TOPBP1: variants seen among roughly 807,000 people sequenced by gnomAD.
The protein encoded by TOPBP1 is DNA topoisomerase II binding protein 1, also known as DNA topoisomerase 2-binding protein 1.
Under a neutral mutation model 167.7 loss-of-function variants are expected in TOPBP1, and 28 were observed. The observed-to-expected ratio is 0.17, with a 90% CI of 0.12 to 0.23. TOPBP1 has a LOEUF of 0.23. Among genes scored for constraint, TOPBP1 ranks in the 10% least tolerant of loss-of-function variants. The pLI, the probability that TOPBP1 is intolerant of heterozygous loss-of-function variation, is 1.00. For missense variants in TOPBP1, 1,554 were observed against 1,809.6 expected (o/e 0.86, Z 2.56); for synonymous variants, 598 against 611.4 (o/e 0.98, Z 0.32).
intron 25 of TOPBP1, among the ~76,000 whole-genome samples, chr3:133,609,371 C>T (rs534097131): frequency 1.3e-5 from 2 of 152,138 alleles, no homozygotes; most frequent in South Asian, 2.1e-4. Flanking sequence ...TAACAACTAA[C>T]AAAAGCCAGT....
chr3:133,640,011 C>T lies in TOPBP1; in HGVS notation c.2181G>A (p.Thr727=), dbSNP rs771661225. Residue 727 remains threonine (T), a synonymous_variant, in exon 13 of 28, where the codon ACG becomes ACA. Transcript: ENST00000260810. Reference sequence around the variant, plus strand: ...AATGGCTTTCGTCTGCTCTCTTTCCCGTTCTAGCAGTCTCCAACAGCCAAG... The same window carrying T: ...AATGGCTTTCGTCTGCTCTCTTTCCTGTTCTAGCAGTCTCCAACAGCCAAG... ...TIAWLLETAR[T]GKRADESHFL... is the part of the protein sequence containing the mutation. 2.5e-6 allele frequency: 4 copies of T among 1,613,854 alleles called. No homozygotes were observed. The highest frequency in any genetic ancestry group is 1.7e-5 in the Admixed American group (1 of 59,982).
chr3:133,617,506 T>C (rs1274342045), intron 21 of TOPBP1, 180 bp from the exon 22 acceptor site: 1 of 519,786 alleles, frequency 1.9e-6, no homozygotes, highest in Admixed American at 3.9e-5. Flanking sequence ...CCCATCTGCA[T>C]GTGACAATAA....
chr3:133,627,625 T>C (rs1162384270), intron 16 of TOPBP1, among the ~76,000 whole-genome samples: 2 of 152,198 alleles, frequency 1.3e-5, no homozygotes, highest in Admixed American at 1.3e-4. Flanking sequence ...AAGATGAAAC[T>C]AATCATATTC....
Position 133,657,818 on chromosome 3 carries a change from T to A in TOPBP1, c.343A>T (p.Ser115Cys). ...TCTACCCTTTTTTCTTTTTCCAGAC[T>A]TGTACAAGATATGGTTACATCAGAC... ...VMSDVTISCT[S>C]LEKEKREEVH... Residue 115 changes from serine (S) to cysteine (C), a missense_variant, in exon 4 of 28, where the codon AGT becomes TGT. Ser to Cys is a moderately radical substitution (Grantham distance 112). Around this residue, in one of 3 missense-constraint regions of TOPBP1, gnomAD observed 1,197 missense variants for 1,351.5 expected, o/e 0.89. Coordinates refer to ENST00000260810, the MANE Select transcript of TOPBP1 (RefSeq NM_007027.4). 6.4e-7 allele frequency: 1 copy of A among 1,553,174 alleles called. No homozygotes were observed.
intron 13 of TOPBP1, 89 bp from the exon 14 acceptor site, chr3:133,638,251 C>T: frequency 8.0e-7 from 1 of 1,246,068 alleles, no homozygotes; most frequent in Non-Finnish European, 1.1e-6. Context: ...ATACTGTTTT[C>T]TTTCCTTTCT....
At chr3:133,605,721 C>T (rs996184368) in intron 27 of TOPBP1, among the ~76,000 whole-genome samples, 1 of 152,098 alleles carries the variant, frequency 6.6e-6, no homozygotes, top group African/African-American at 2.4e-5. Flanking sequence ...GACAAGGAGG[C>T]CCAATCTCAC....
chr3:133,649,318 T>C lies in TOPBP1; in HGVS notation c.1504+65A>G, dbSNP rs917570624. 9 of 1,527,540 alleles carry C rather than the reference T, an allele frequency of 5.9e-6. No homozygotes were observed. In the African/African-American group the frequency reaches 8.3e-5, roughly 14 times the overall value. 94.6% of individuals were successfully genotyped at this position (1,527,540 alleles called of 1,614,324 possible). ...TCTAGAAAACTTGGCAGAAATCACA[T>C]ATGTACGTATTAGGCTACTAAAATA... is the stretch of plus-strand genomic sequence containing the variant. On this transcript the variant is annotated intron_variant, in intron 10 of 27. Coordinates refer to ENST00000260810, the MANE Select transcript of TOPBP1 (RefSeq NM_007027.4).
At chr3:133,605,390 C>T (rs9811349) in intron 27 of TOPBP1, among the ~76,000 whole-genome samples, 42,770 of 149,386 alleles carry the variant, frequency 0.29, 6,637 homozygotes, top group Middle Eastern at 0.34. Flanking sequence ...ACCCTGAAAA[C>T]AATTTTAAAA....
At chr3:133,609,371 C>A (rs534097131) in intron 25 of TOPBP1, among the ~76,000 whole-genome samples, 1 of 152,138 alleles carries the variant, frequency 6.6e-6, no homozygotes, top group African/African-American at 2.4e-5. Flanking sequence ...TAACAACTAA[C>A]AAAAGCCAGT....
At chr3:133,650,707 C>G (rs1410545514) in intron 8 of TOPBP1, among the ~76,000 whole-genome samples, 13 of 152,118 alleles carry the variant, frequency 8.5e-5, no homozygotes, top group Admixed American at 7.9e-4. Context: ...AAATCACCCC[C>G]ATTACTAGAA....
chr3:133,654,292 GGATA>G (rs1308888913), intron 6 of TOPBP1, among the ~76,000 whole-genome samples: 1 of 152,088 alleles, frequency 6.6e-6, no homozygotes, highest in Non-Finnish European at 1.5e-5. Flanking sequence ...TTAAAGTCCA[GGATA>G]GATAAGCCAA....
chr3:133,659,300 C>G (rs1576318961), intron 2 of TOPBP1, 150 bp from the exon 3 acceptor site: 3 of 720,910 alleles, frequency 4.2e-6, no homozygotes, highest in Non-Finnish European at 6.5e-6. Flanking sequence ...CAAGTGGTCT[C>G]TTTTTCCCTT....
chr3:133,652,297 T>C (rs1052262863), intron 8 of TOPBP1, among the ~76,000 whole-genome samples, 166 bp downstream of exon 8: 1 of 152,198 alleles, frequency 6.6e-6, no homozygotes, highest in African/African-American at 2.4e-5. Flanking sequence ...AGAGGGACTC[T>C]CGCAGCCAAA....
In TOPBP1 at chr3:133,628,753, A is replaced by G; in HGVS notation, c.2521-20T>C. 1 of 1,548,460 alleles carries G rather than the reference A, an allele frequency of 6.5e-7. No homozygotes were observed. Among genetic ancestry groups the G allele is most frequent in the Non-Finnish European group, 8.7e-7 (1 of 1,145,120 alleles). On this transcript the variant is annotated intron_variant, in intron 14 of 27. Coordinates refer to ENST00000260810, the MANE Select transcript of TOPBP1 (RefSeq NM_007027.4). The stretch of plus-strand genomic sequence containing the variant: ...TGCATCCTATACATATGAAGGAGAG[A>G]GAGAGATGGAGAAAAGAAGAGAGAG...
chr3:133,645,608 A>G (rs1160826963), intron 10 of TOPBP1, among the ~76,000 whole-genome samples: 6 of 152,140 alleles, frequency 3.9e-5, no homozygotes, highest in Non-Finnish European at 8.8e-5. Context: ...TTCGACGTCT[A>G]TATGTTGTTG....
In TOPBP1 at chr3:133,623,093, C is replaced by T; in HGVS notation, c.3176G>A (p.Gly1059Glu). 2 of 1,593,310 alleles carry T rather than the reference C, an allele frequency of 1.3e-6. No homozygotes were observed. The highest frequency in any genetic ancestry group is 1.7e-6 in the Non-Finnish European group (2 of 1,166,182). The change falls in exon 19 of 28, where the codon GGA becomes GAA. Residue 1059 changes from glycine to glutamate, a missense_variant and splice_region_variant. Physicochemically the swap from Gly to Glu is moderately conservative, Grantham distance 98 (BLOSUM62 -2). Around this residue, in one of 3 missense-constraint regions of TOPBP1, gnomAD observed 1,197 missense variants for 1,351.5 expected, o/e 0.89. Transcript: ENST00000260810. ...SNGSGKNDSK[G>E]VLTQTLEMRE... ...AATTAAAAAATAAAATATTTTACCT[C>T]CTTTAGAGTCATTCTTTCCACTTCC... is the stretch of plus-strand genomic sequence containing the variant.
chr3:133,625,205 T>G (rs923619350), intron 16 of TOPBP1, among the ~76,000 whole-genome samples: 2 of 152,184 alleles, frequency 1.3e-5, no homozygotes, highest in African/African-American at 4.8e-5. Flanking sequence ...CTTCAAGTGA[T>G]CCACCCGCCT....
Position 133,608,562 on chromosome 3 carries a change from T to C in TOPBP1, c.4398A>G (p.Thr1466=). Residue 1466 remains threonine (T), a synonymous_variant, in exon 27 of 28, where the codon ACA becomes ACG. Coordinates refer to ENST00000260810, the MANE Select transcript of TOPBP1 (RefSeq NM_007027.4). ...GCATGAGATAATCAGCAATGTATTC[T>C]GTTCTCAAGCAGTACACGTTCTGGG... ...AAAQNVYCLR[T]EYIADYLMQE... The C allele has an allele frequency of 6.2e-7, 1 of 1,613,762 alleles. No individual in the cohort carries two copies. The highest frequency in any genetic ancestry group is 1.1e-5 in the South Asian group (1 of 91,070).
At chr3:133,651,171 C>CTTTTTTTTTTTTTT (rs1176625452) in intron 8 of TOPBP1, among the ~76,000 whole-genome samples, 1 of 82,090 alleles carries the variant, frequency 1.2e-5, no homozygotes, top group African/African-American at 4.8e-5. Flanking sequence ...CCGAATTTCC[C>CTTTTTTTTTTTTTT]TTTTTTTTTT....
Sources: gnomAD v4.1 joint callset for allele counts (sites outside exome capture counted in the v4.1 genomes callset) on GRCh38, gnomAD v4.1.1 for gene constraint, gnomAD v4.1.1 regional missense constraint, MANE v1.5 for transcripts, NCBI Gene and HGNC (gene_info 2026-07-23, HGNC 2026-07-21) for gene names.